The following ZBTB20 variants were observed in gnomAD, a reference collection of about 807,000 sequenced individuals.
ZBTB20 encodes the protein zinc finger and BTB domain-containing protein 20.
A neutral mutation model predicts 56.9 loss-of-function variants in ZBTB20; 9 were observed. That is an observed-to-expected ratio of 0.16 (90% CI 0.10 to 0.28). The LOEUF is 0.28. Among genes scored for constraint, ZBTB20 ranks in the 10% least tolerant of loss-of-function variants. ZBTB20 has a pLI of 1.00. For synonymous variants in ZBTB20, 417 were observed against 420.7 expected, an observed-to-expected ratio of 0.99 and a Z score of 0.11; for missense variants, 655 against 1,003.0, an observed-to-expected ratio of 0.65 and a Z score of 4.69.
At chr3:114,455,526 T>C (rs997632794) in intron 7 of ZBTB20, among the ~76,000 whole-genome samples, 1 of 152,078 alleles carries the variant, frequency 6.6e-6, no homozygotes, top group Non-Finnish European at 1.5e-5. Flanking sequence ...TGTGTGAAAG[T>C]TTATTAACGA....
chr3:114,816,572 T>C (rs2072933326), intron 4 of ZBTB20, among the ~76,000 whole-genome samples: 1 of 152,164 alleles, frequency 6.6e-6, no homozygotes, highest in Admixed American at 6.5e-5. Flanking sequence ...TTAGAATATA[T>C]GCCAAATGCT....
intron 7 of ZBTB20, among the ~76,000 whole-genome samples, chr3:114,494,173 AT>A (rs2043035107): frequency 6.6e-6 from 1 of 152,160 alleles, no homozygotes; most frequent in African/African-American, 2.4e-5. Context: ...GGTATTTCTT[AT>A]TGTTATTATT....
chr3:115,054,061 G>C (rs1242271148), intron 2 of ZBTB20, among the ~76,000 whole-genome samples: 1 of 151,972 alleles, frequency 6.6e-6, no homozygotes, highest in African/African-American at 2.4e-5. Context: ...TTTCTGCTTT[G>C]TAAAATTAAA....
chr3:114,746,909 C>A (rs553534045), intron 5 of ZBTB20, among the ~76,000 whole-genome samples: 1 of 152,076 alleles, frequency 6.6e-6, no homozygotes, highest in East Asian at 1.9e-4. Flanking sequence ...CTCATGCAAA[C>A]GTTAAAATTC....
intron 5 of ZBTB20, among the ~76,000 whole-genome samples, chr3:114,787,368 T>TATATATATATACATACAC (rs1433434685): frequency 9.4e-6 from 1 of 106,332 alleles, no homozygotes; most frequent in African/African-American, 4.5e-5. Flanking sequence ...TATATATATA[T>TATATATATATACATACAC]ACACACACAC....
At chr3:114,619,883 A>C (rs562899364) in intron 6 of ZBTB20, among the ~76,000 whole-genome samples, 65 of 152,250 alleles carry the variant, frequency 4.3e-4, no homozygotes, top group Admixed American at 2.0e-3. Flanking sequence ...TCTCCTGTCT[A>C]GTTCACAGGG....
At chr3:114,536,517 T>C (rs1425862514) in intron 6 of ZBTB20, among the ~76,000 whole-genome samples, 2 of 152,216 alleles carry the variant, frequency 1.3e-5, no homozygotes, top group Non-Finnish European at 2.9e-5. Context: ...AAACATTCCA[T>C]GCTCATGGAT....
rs372442741 is a variant in ZBTB20 at position 115,136,238 on chromosome 3, T to C, written c.-703+10981A>G. On this transcript the variant is annotated intron_variant, in intron 1 of 11. Coordinates refer to ENST00000675478, the MANE Select transcript of ZBTB20 (RefSeq NM_001348800.3). ...AAAACTGTGAGCATGTACAAACACG[T>C]TGGGTCTTGGAAAAGTACAGGGAAA... is the stretch of plus-strand genomic sequence containing the variant. Among the ~76,000 whole-genome samples, 6 of 152,070 alleles carry C rather than the reference T, an allele frequency of 3.9e-5. No individual in the cohort carries two copies. The East Asian group carries it at 7.7e-4, about 20-fold the overall frequency.
intron 10 of ZBTB20, chr3:114,375,980 C>T (rs1321169638): frequency 2.0e-5 from 3 of 152,186 alleles, no homozygotes; most frequent in African/African-American, 4.8e-5. Context: ...CTTTAAAATA[C>T]ATTTTATGCT....
chr3:114,967,437 T>G (rs1159391747), intron 3 of ZBTB20, among the ~76,000 whole-genome samples: 2 of 152,230 alleles, frequency 1.3e-5, no homozygotes, highest in Non-Finnish European at 2.9e-5. Flanking sequence ...TGTACTGTAC[T>G]TTCTATCTCA....
intron 3 of ZBTB20, among the ~76,000 whole-genome samples, chr3:114,969,324 A>C (rs1448870041): frequency 6.6e-6 from 1 of 152,144 alleles, no homozygotes; most frequent in African/African-American, 2.4e-5. Flanking sequence ...AAAATCCCTA[A>C]AAATGTACAC....
intron 6 of ZBTB20, among the ~76,000 whole-genome samples, chr3:114,529,696 A>G (rs2047624586): frequency 6.6e-6 from 1 of 152,332 alleles, no homozygotes; most frequent in African/African-American, 2.4e-5. Context: ...TTATCCTATA[A>G]TATTTAGGTA....
At chr3:114,865,798 T>C (rs755810001) in intron 4 of ZBTB20, among the ~76,000 whole-genome samples, 2 of 152,216 alleles carry the variant, frequency 1.3e-5, no homozygotes, top group Admixed American at 6.5e-5. Flanking sequence ...TTAAAATTCA[T>C]GGATGAAGGT....
intron 5 of ZBTB20, among the ~76,000 whole-genome samples, chr3:114,709,000 G>A (rs915215575): frequency 1.3e-5 from 2 of 152,040 alleles, no homozygotes; most frequent in Admixed American, 6.6e-5. Flanking sequence ...GTCTCTAGAA[G>A]TCTTCCTTCT....
chr3:114,775,541 C>CA (rs947774850), intron 5 of ZBTB20, among the ~76,000 whole-genome samples: 1,535 of 118,618 alleles, frequency 0.013, 13 homozygotes, highest in African/African-American at 0.018. Flanking sequence ...GGGCTTTTGG[C>CA]AAAAAAAAAA....
At chr3:114,662,498 T>G (rs2060794785) in intron 6 of ZBTB20, among the ~76,000 whole-genome samples, 1 of 146,032 alleles carries the variant, frequency 6.8e-6, no homozygotes, top group South Asian at 2.3e-4. Context: ...CCACAATGGT[T>G]GAACTAGTTT....
intron 4 of ZBTB20, among the ~76,000 whole-genome samples, chr3:114,894,906 T>C (rs969455027): frequency 1.6e-4 from 25 of 152,184 alleles, no homozygotes; most frequent in African/African-American, 5.5e-4. Flanking sequence ...GTCGAAACTA[T>C]ACATTTGATA....
At chr3:114,465,717 A>G (rs2092521493) in intron 7 of ZBTB20, among the ~76,000 whole-genome samples, 2 of 151,964 alleles carry the variant, frequency 1.3e-5, no homozygotes, top group African/African-American at 4.8e-5. Context: ...AAAAAAAAAA[A>G]AGAAAGAAAG....
chr3:114,491,780 C>T (rs2042780796), intron 7 of ZBTB20, among the ~76,000 whole-genome samples: 1 of 152,106 alleles, frequency 6.6e-6, no homozygotes, highest in African/African-American at 2.4e-5. Context: ...CAAGATATTG[C>T]AGTAGCTCAT....
Sources: gnomAD v4.1 joint callset for allele counts (sites outside exome capture counted in the v4.1 genomes callset) on GRCh38, gnomAD v4.1.1 for gene constraint, MANE v1.5 for transcripts, NCBI Gene and HGNC (gene_info 2026-07-23, HGNC 2026-07-21) for gene names.